Variants in RLF observed in about 807,000 individuals in gnomAD.
The protein encoded by RLF is RLF zinc finger.
RLF carries 7 observed loss-of-function variants against 162.9 expected under a neutral mutation model. That is an observed-to-expected ratio of 0.04 (90% confidence interval 0.02 to 0.08). RLF has a LOEUF of 0.08. Among genes scored for constraint, RLF ranks in the 10% least tolerant of loss-of-function variants. The probability of loss-of-function intolerance (pLI) is 1.00; values close to 1 mark genes in which losing one functional copy is unlikely to be tolerated. For missense variants in RLF, 1,664 were observed against 2,244.7 expected, an observed-to-expected ratio of 0.74 and a Z score of 5.23; for synonymous variants, 782 against 791.5, an observed-to-expected ratio of 0.99 and a Z score of 0.20.
At chr1:40,185,883 G>A (rs1358658398) in intron 1 of RLF, among the ~76,000 whole-genome samples, 25 of 146,830 alleles carry the variant, frequency 1.7e-4, no homozygotes, top group African/African-American at 5.6e-4. Context: ...GGCTGGATGC[G>A]AGGTGGCTTT....
chr1:40,182,669 ATAATCT>A (rs1407627379), intron 1 of RLF, among the ~76,000 whole-genome samples: 1 of 152,170 alleles, frequency 6.6e-6, no homozygotes, highest in African/African-American at 2.4e-5. Context: ...GTATCTAAAA[ATAATCT>A]TAGTAGGCTG....
chr1:40,203,251 A>T (rs1642744050), intron 5 of RLF, among the ~76,000 whole-genome samples: 1 of 151,492 alleles, frequency 6.6e-6, no homozygotes, highest in South Asian at 2.1e-4. Flanking sequence ...AGTAGCTGGG[A>T]CTAAAGGCAT....
intron 1 of RLF, among the ~76,000 whole-genome samples, chr1:40,185,843 C>CAAAAAAAAAAAAAAAAAAAAAACA (rs1642472254): frequency 1.5e-5 from 1 of 67,544 alleles, no homozygotes; most frequent in African/African-American, 5.8e-5. Context: ...AAAAAAAAAG[C>CAAAAAAAAAAAAAAAAAAAAAACA]AAAAAAAAAA....
chr1:40,234,795 C>T (rs549197147), intron 7 of RLF, among the ~76,000 whole-genome samples: 1 of 152,170 alleles, frequency 6.6e-6, no homozygotes, highest in South Asian at 2.1e-4. Context: ...TATTTTATTT[C>T]AGCCTCTCAG....
chr1:40,233,477 G>A (rs896140688), intron 7 of RLF, among the ~76,000 whole-genome samples: 1 of 152,118 alleles, frequency 6.6e-6, no homozygotes, highest in African/African-American at 2.4e-5. Context: ...AAATTTAGCT[G>A]ACTTTCCCCA....
At chr1:40,215,554 G>GA (rs1458587622) in intron 5 of RLF, among the ~76,000 whole-genome samples, 1 of 151,786 alleles carries the variant, frequency 6.6e-6, no homozygotes, top group East Asian at 1.9e-4. Context: ...GAAAAAAAAA[G>GA]AAATTAGAGA....
chr1:40,210,725 A>G (rs1163507216), intron 5 of RLF, among the ~76,000 whole-genome samples: 1 of 152,210 alleles, frequency 6.6e-6, no homozygotes, highest in Admixed American at 6.5e-5. Context: ...GGGCAAAAAC[A>G]GAGGAGGATG....
Position 40,239,862 on chromosome 1 carries a change from A to G in RLF, c.5160A>G (p.Leu1720=). 1 of 1,613,940 alleles carries G rather than the reference A, an allele frequency of 6.2e-7. No homozygotes were observed. The highest frequency in any genetic ancestry group is 8.5e-7 in the Non-Finnish European group (1 of 1,180,014). Residue 1720 remains leucine (L), a synonymous_variant, in exon 8 of 8, where the codon TTA becomes TTG. Transcript: ENST00000372771. ...GTYFTSFQLP[L]PRIKESETRQ... Reference sequence around the variant, plus strand: ...ATTTCACAAGTTTCCAGCTGCCTTTACCAAGGATCAAAGAATCAGAAACTA... The same window carrying G: ...ATTTCACAAGTTTCCAGCTGCCTTTGCCAAGGATCAAAGAATCAGAAACTA...
chr1:40,219,456 T>C (rs1202640373), intron 5 of RLF, among the ~76,000 whole-genome samples: 1 of 152,212 alleles, frequency 6.6e-6, no homozygotes, highest in Non-Finnish European at 1.5e-5. Context: ...CTTCAGTTTT[T>C]CTCATTTGTA....
chr1:40,198,870 C>T (rs527425979), intron 4 of RLF, among the ~76,000 whole-genome samples: 1 of 152,216 alleles, frequency 6.6e-6, no homozygotes, highest in Admixed American at 6.5e-5. Flanking sequence ...AATATTGAAG[C>T]ATATGGTAGA....
At chr1:40,167,688 A>C (rs980786950) in intron 1 of RLF, among the ~76,000 whole-genome samples, 7 of 148,210 alleles carry the variant, frequency 4.7e-5, no homozygotes, top group Admixed American at 1.4e-4. Flanking sequence ...ATTGCCTTTC[A>C]CCTCTTTAAG....
chr1:40,217,236 T>C lies in RLF; in HGVS notation c.811-5338T>C, dbSNP rs1021483211. 2.6e-5 allele frequency among the ~76,000 whole-genome samples: 4 copies of C among 152,076 alleles called. No homozygotes were observed. In the East Asian group the frequency reaches 7.7e-4, roughly 29 times the overall value. ...ATCCTAGCTCTTTGGGAGGCTTAGGTTGGGGGAACATTTGAGGCCAGGAGT... is the reference window on the plus strand; with the variant it reads ...ATCCTAGCTCTTTGGGAGGCTTAGGCTGGGGGAACATTTGAGGCCAGGAGT... On this transcript the variant is annotated intron_variant, in intron 5 of 7. Coordinates refer to ENST00000372771, the MANE Select transcript of RLF (RefSeq NM_012421.4).
intron 1 of RLF, among the ~76,000 whole-genome samples, chr1:40,171,560 A>G (rs1275765650): frequency 6.6e-6 from 1 of 152,202 alleles, no homozygotes; most frequent in Non-Finnish European, 1.5e-5. Flanking sequence ...TATATAAAGT[A>G]TCCTAAAGTA....
chr1:40,215,289 G>A (rs915028699), intron 5 of RLF, among the ~76,000 whole-genome samples: 1 of 152,132 alleles, frequency 6.6e-6, no homozygotes, highest in African/African-American at 2.4e-5. Context: ...ACTGGACTGA[G>A]CAGACATCTA....
At chr1:40,213,821 A>G (rs1478894908) in intron 5 of RLF, among the ~76,000 whole-genome samples, 1 of 152,254 alleles carries the variant, frequency 6.6e-6, no homozygotes, top group East Asian at 1.9e-4. Flanking sequence ...ACTATTCTAG[A>G]GAAAGGTAAT....
rs1409452302 is a variant in RLF, at chr1:40,214,934, A to AC, written c.811-7640_811-7639insC. On this transcript the variant is annotated intron_variant, in intron 5 of 7. Transcript: ENST00000372771. The stretch of plus-strand genomic sequence containing the variant: ...AGCCTGTCTCAAAAAAAAAAAAAAA[A>AC]AAAAAAAAAAACTAAAGTATGAGAA... Among the ~76,000 whole-genome samples the AC allele has an allele frequency of 8.0e-5, 12 of 150,234 alleles. 1 individual carries two copies. The highest frequency in any genetic ancestry group is 3.9e-4 in the East Asian group (2 of 5,164).
chr1:40,231,960 C>G (rs1159854542), intron 7 of RLF, among the ~76,000 whole-genome samples: 2 of 152,198 alleles, frequency 1.3e-5, no homozygotes, highest in African/African-American at 4.8e-5. Context: ...GTAATCCCAG[C>G]ACTTTGGGAG....
intron 1 of RLF, among the ~76,000 whole-genome samples, chr1:40,182,557 A>G (rs1642417777): frequency 6.6e-6 from 1 of 152,254 alleles, no homozygotes; most frequent in Non-Finnish European, 1.5e-5. Flanking sequence ...ATATGTATGT[A>G]ACAATGTTAT....
chr1:40,207,033 G>A (rs1642806480), intron 5 of RLF, among the ~76,000 whole-genome samples: 1 of 151,956 alleles, frequency 6.6e-6, no homozygotes, highest in South Asian at 2.1e-4. Context: ...TTGTCTTTCT[G>A]CCTATTTGTA....
Sources: allele counts gnomAD v4.1 joint callset (sites outside exome capture counted in the v4.1 genomes callset), GRCh38; gene constraint gnomAD v4.1.1; transcripts MANE v1.5; gene names NCBI Gene and HGNC (gene_info 2026-07-23, HGNC 2026-07-21).